Variants in CCDC149 observed in about 807,000 individuals in gnomAD.
CCDC149 encodes coiled-coil domain-containing protein 149.
In CCDC149, 45 loss-of-function variants were observed where a neutral mutation model predicts 59.9. The observed-to-expected ratio is 0.75, with a 90% confidence interval of 0.59 to 0.96. The LOEUF is 0.96. CCDC149 is among the 40% of genes least tolerant of loss of function. CCDC149 has a pLI of 0.00. For missense variants in CCDC149, 584 were observed against 664.7 expected, an observed-to-expected ratio of 0.88 and a Z score of 1.33; for synonymous variants, 245 against 260.6, an observed-to-expected ratio of 0.94 and a Z score of 0.58.
At chr4:24,857,159 G>A (rs1294568783) in intron 3 of CCDC149, among the ~76,000 whole-genome samples, 1 of 152,052 alleles carries the variant, frequency 6.6e-6, no homozygotes, top group Non-Finnish European at 1.5e-5. Context: ...GTCTCTGGTG[G>A]GCAGGAAGAC....
At chr4:24,877,226 T>C (rs765087680) in intron 1 of CCDC149, among the ~76,000 whole-genome samples, 13 of 152,038 alleles carry the variant, frequency 8.6e-5, no homozygotes, top group Non-Finnish European at 1.9e-4. Flanking sequence ...TGCTCTGTCA[T>C]CCAGGCTGGA....
At chr4:24,811,732 G>C (rs534286797) in intron 12 of CCDC149, among the ~76,000 whole-genome samples, 1 of 152,234 alleles carries the variant, frequency 6.6e-6, no homozygotes, top group East Asian at 1.9e-4. Flanking sequence ...AATTAGCCAA[G>C]TGTGGTAGCG....
chr4:24,912,841 G>A lies in CCDC149; in HGVS notation c.39C>T (p.Ser13=). The A allele has an allele frequency of 7.3e-7, 1 of 1,374,000 alleles. No homozygotes were observed. Among genetic ancestry groups the A allele is most frequent in the Non-Finnish European group, 9.5e-7 (1 of 1,049,066 alleles). The allele number at this position is 1,374,000 out of a possible 1,614,324, so 85.1% of individuals were successfully genotyped here. The stretch of plus-strand genomic sequence containing the variant: ...CCTCGCTCACCAGCCCCTGCCAGTC[G>A]CTCTCAGTCCGGTCGCCGTTCATGG... The change falls in exon 1 of 13, where the codon AGC becomes AGT. Residue 13 remains serine, a synonymous_variant. Coordinates refer to ENST00000635206, the MANE Select transcript of CCDC149 (RefSeq NM_001330643.2).
intron 1 of CCDC149, among the ~76,000 whole-genome samples, chr4:24,896,099 GA>G (rs1720831346): frequency 6.6e-6 from 1 of 152,176 alleles, no homozygotes; most frequent in Non-Finnish European, 1.5e-5. Flanking sequence ...CATCCAACAG[GA>G]AGTTAAAACC....
chr4:24,834,813 G>T, intron 8 of CCDC149, 135 bp downstream of exon 8: 1 of 543,652 alleles, frequency 1.8e-6, no homozygotes, highest in East Asian at 2.9e-5. Context: ...TGATGCACGT[G>T]GAAGTCGGGG....
chr4:24,973,987 C>G (rs1182331195), intron 1 of CCDC149, among the ~76,000 whole-genome samples: 1 of 152,236 alleles, frequency 6.6e-6, no homozygotes, highest in South Asian at 2.1e-4. Flanking sequence ...TCGGCTGTTT[C>G]GCAAGAGTCA....
intron 1 of CCDC149, among the ~76,000 whole-genome samples, chr4:24,974,105 C>T (rs1485015044): frequency 6.6e-6 from 1 of 152,246 alleles, no homozygotes; most frequent in Non-Finnish European, 1.5e-5. Context: ...CGCCTGTGTG[C>T]GGCCCACTGT....
At chr4:24,942,781 T>G (rs1177317653) in intron 1 of CCDC149, among the ~76,000 whole-genome samples, 1 of 151,886 alleles carries the variant, frequency 6.6e-6, no homozygotes, top group Non-Finnish European at 1.5e-5. Flanking sequence ...AAATCATGAG[T>G]GAACTCCCAT....
chr4:24,973,023 C>A (rs1281576876), intron 1 of CCDC149, among the ~76,000 whole-genome samples: 2 of 152,170 alleles, frequency 1.3e-5, no homozygotes, highest in Admixed American at 6.5e-5. Flanking sequence ...TTTCCACAAC[C>A]CCTCATCTTG....
chr4:24,854,582 G>A (rs1717884583), intron 3 of CCDC149, among the ~76,000 whole-genome samples: 1 of 152,194 alleles, frequency 6.6e-6, no homozygotes, highest in Admixed American at 6.5e-5. Context: ...AGAGGTTAGG[G>A]AACTAACCCG....
downstream of CCDC149, among the ~76,000 whole-genome samples, chr4:24,804,486 C>CA (rs397796144): frequency 0.033 from 1,831 of 56,214 alleles, 32 homozygotes; most frequent in East Asian, 0.05. Flanking sequence ...GTGAGACTCT[C>CA]AAAAAAAAAA....
At chr4:24,906,415 A>ATTTATTTTATTTTATTTTT (rs1207373356) in intron 1 of CCDC149, among the ~76,000 whole-genome samples, 1 of 126,508 alleles carries the variant, frequency 7.9e-6, no homozygotes, top group African/African-American at 3.0e-5. Context: ...ATTTTACTTT[A>ATTTATTTTATTTTATTTTT]TTTGAGACAG....
chr4:24,935,828 A>G (rs922693145), intron 1 of CCDC149, among the ~76,000 whole-genome samples: 1 of 152,220 alleles, frequency 6.6e-6, no homozygotes, highest in African/African-American at 2.4e-5. Context: ...AACCAAAGTT[A>G]TATATTTGCG....
chr4:24,901,688 AG>A (rs1445722153), intron 1 of CCDC149, among the ~76,000 whole-genome samples: 3 of 152,172 alleles, frequency 2.0e-5, no homozygotes, highest in Non-Finnish European at 4.4e-5. Context: ...CAAGAGCTCA[AG>A]TACTCCCAGG....
rs150261442 is a variant in CCDC149, at chr4:24,977,281, T to C, written c.-65+2788A>G. On this transcript the variant is annotated intron_variant, in intron 1 of 12. Transcript: ENST00000389609. ...TCTTTTTCCATCGAGGACTCCAAGC[T>C]GGCAGGTTGGAGATCCTCTTAGCTA... is the stretch of plus-strand genomic sequence containing the variant. 3.3e-3 allele frequency among the ~76,000 whole-genome samples: 497 copies of C among 152,274 alleles called. 2 individuals are homozygous for C. Among genetic ancestry groups the C allele is most frequent in the African/African-American group, 0.011 (472 of 41,550 alleles).
intron 1 of CCDC149, among the ~76,000 whole-genome samples, chr4:24,910,700 A>G (rs1721822861): frequency 6.6e-6 from 1 of 152,212 alleles, no homozygotes; most frequent in Admixed American, 6.5e-5. Flanking sequence ...GTGGCCTAGC[A>G]AGGCTCAGAC....
chr4:24,900,044 T>A (rs1384474236), intron 1 of CCDC149, among the ~76,000 whole-genome samples: 1 of 152,146 alleles, frequency 6.6e-6, no homozygotes, highest in Non-Finnish European at 1.5e-5. Flanking sequence ...GCCACCTCCA[T>A]TAAGAACCCT....
At chr4:24,860,226 G>A (rs2109204103) in intron 3 of CCDC149, among the ~76,000 whole-genome samples, 1 of 152,224 alleles carries the variant, frequency 6.6e-6, no homozygotes, top group South Asian at 2.1e-4. Flanking sequence ...AAACAGCATG[G>A]TACTGACACA....
intron 1 of CCDC149, among the ~76,000 whole-genome samples, chr4:24,897,739 G>A (rs544580989): frequency 2.2e-3 from 332 of 152,308 alleles, no homozygotes; most frequent in African/African-American, 7.4e-3. Context: ...ATTTGGGCAC[G>A]AGTTTGGATT....
Sources: gnomAD v4.1 joint callset for allele counts (sites outside exome capture counted in the v4.1 genomes callset) on GRCh38, gnomAD v4.1.1 for gene constraint, MANE v1.5 for transcripts, NCBI Gene and HGNC (gene_info 2026-07-23, HGNC 2026-07-21) for gene names.